Variants in BICDL1 observed in about 807,000 individuals in gnomAD.
The protein encoded by BICDL1 is BICD family like cargo adaptor 1, also known as BICD family-like cargo adapter 1.
A neutral mutation model predicts 76.8 loss-of-function variants in BICDL1; 20 were observed. The observed-to-expected ratio is 0.26, with a 90% CI of 0.18 to 0.38. The LOEUF (loss-of-function observed/expected upper bound fraction) is 0.38. Among genes scored for constraint, BICDL1 ranks in the 10% least tolerant of loss-of-function variants. BICDL1 has a pLI of 1.00. For missense variants in BICDL1, 700 were observed against 798.6 expected, an observed-to-expected ratio of 0.88 and a Z score of 1.49; for synonymous variants, 383 against 337.1, an observed-to-expected ratio of 1.14 and a Z score of -1.49.
intron 2 of BICDL1, among the ~76,000 whole-genome samples, chr12:120,006,650 G>GT (rs1416883376): frequency 6.6e-6 from 1 of 152,138 alleles, no homozygotes; most frequent in Non-Finnish European, 1.5e-5. Context: ...GAGCAAAAGA[G>GT]TATTCCTGGC....
intron 2 of BICDL1, among the ~76,000 whole-genome samples, chr12:120,049,541 C>T (rs1952812974): frequency 6.6e-6 from 1 of 152,158 alleles, no homozygotes; most frequent in Non-Finnish European, 1.5e-5. Context: ...TGGCGCTCTG[C>T]AGTTTCTTTA....
Position 120,074,516 on chromosome 12 carries a change from G to T in BICDL1, c.1382G>T (p.Arg461Met). The T allele has an allele frequency of 7.8e-7, 1 of 1,281,934 alleles. No homozygotes were observed. The highest frequency in any genetic ancestry group is 1.0e-6 in the Non-Finnish European group (1 of 985,084). The allele number at this position is 1,281,934 out of a possible 1,614,324, so 79.4% of individuals were successfully genotyped here. ...RQTSEDSRAL[R>M]ELMEGERGKL... ...ACCAGTGAGGACTCGAGAGCCCTAA[G>T]GGAGCTCATGGAGGGAGAGAGGGGT... The change falls in exon 7 of 10, where the codon AGG becomes ATG. Residue 461 changes from arginine (R) to methionine (M), a missense_variant. This residue lies in a region of BICDL1 where 455 missense variants were observed against 548.7 expected (regional missense o/e 0.83). Transcript: ENST00000548673.
At chr12:120,077,364 C>A (rs1158265343) in intron 7 of BICDL1, among the ~76,000 whole-genome samples, 1 of 152,210 alleles carries the variant, frequency 6.6e-6, no homozygotes, top group Non-Finnish European at 1.5e-5. Context: ...TGGCAAGGAA[C>A]TGCCTCCTCC....
intron 2 of BICDL1, among the ~76,000 whole-genome samples, chr12:120,044,818 T>C (rs1455139736): frequency 6.6e-6 from 1 of 152,156 alleles, no homozygotes; most frequent in African/African-American, 2.4e-5. Context: ...AGCCTTGTAG[T>C]ATAGTTTGAA....
chr12:120,039,063 G>C (rs945576896), intron 2 of BICDL1, among the ~76,000 whole-genome samples: 2 of 151,532 alleles, frequency 1.3e-5, no homozygotes, highest in Non-Finnish European at 2.9e-5. Flanking sequence ...TTGGGAGGCA[G>C]AGGCGAGCGG....
chr12:120,084,814 C>T (rs939697883), intron 8 of BICDL1, among the ~76,000 whole-genome samples: 7 of 151,410 alleles, frequency 4.6e-5, no homozygotes, highest in Non-Finnish European at 8.8e-5. Flanking sequence ...CACTTGAACC[C>T]GGGAGGCAGA....
chr12:120,091,626 G>T (rs1416317276), intron 9 of BICDL1: 2 of 985,012 alleles, frequency 2.0e-6, no homozygotes, highest in Non-Finnish European at 1.2e-6. Context: ...GACCAGGAAT[G>T]AGCTGAGTCT....
At chr12:119,994,723 C>G (rs1487958607) in intron 1 of BICDL1, among the ~76,000 whole-genome samples, 3 of 152,128 alleles carry the variant, frequency 2.0e-5, no homozygotes, top group African/African-American at 7.2e-5. Flanking sequence ...CTCCTGACCT[C>G]GTGATCTGCC....
intron 3 of BICDL1, chr12:120,064,529 C>A: frequency 2.7e-6 from 1 of 365,222 alleles, no homozygotes; most frequent in Non-Finnish European, 4.9e-6. Flanking sequence ...TCAACTCCTA[C>A]TCCTTCCCAG....
At chr12:119,997,886 C>T (rs924207312) in intron 1 of BICDL1, among the ~76,000 whole-genome samples, 12 of 151,972 alleles carry the variant, frequency 7.9e-5, no homozygotes, top group African/African-American at 2.4e-4. Flanking sequence ...GAGGCCGGGC[C>T]GGGGGGATCA....
chr12:120,011,090 G>C (rs1007241802), intron 2 of BICDL1, among the ~76,000 whole-genome samples: 1 of 152,204 alleles, frequency 6.6e-6, no homozygotes, highest in African/African-American at 2.4e-5. Flanking sequence ...GTGGCTCTTA[G>C]TTCAGGCAGT....
In BICDL1 at chr12:119,990,018, G is replaced by A. The variant is rs1355352216; in HGVS notation, c.150G>A (p.Gly50=). Residue 50 remains glycine (G), a synonymous_variant, in exon 1 of 10, where the codon GGG becomes GGA. Coordinates refer to ENST00000548673, the MANE Select transcript of BICDL1 (RefSeq NM_001367886.1). ...AAALIFPGGS[G]ELELALEEEL... ...CCCTCATCTTCCCCGGGGGCTCCGG[G>A]GAGCTAGAACTGGCGTTAGAGGAGG... 14 of 1,498,174 alleles carry A rather than the reference G, an allele frequency of 9.3e-6. No individual in the cohort carries two copies. The East Asian group carries it at 3.3e-4, about 36-fold the overall frequency. 92.8% of individuals were successfully genotyped at this position (1,498,174 alleles called of 1,614,324 possible).
At chr12:120,074,680 T>C in intron 7 of BICDL1, 94 bp downstream of exon 7, 1 of 926,310 alleles carries the variant, frequency 1.1e-6, no homozygotes, top group African/African-American at 1.8e-5. Flanking sequence ...CATTTCTGTG[T>C]GAGAAGTGGC....
chr12:119,990,225 G>A lies in BICDL1; in HGVS notation c.357G>A (p.Ala119=), dbSNP rs573768778. 4 of 1,574,060 alleles carry A rather than the reference G, an allele frequency of 2.5e-6. No homozygotes were observed. The South Asian group carries it at 3.5e-5, about 14-fold the overall frequency. The change falls in exon 1 of 10, where the codon GCG becomes GCA. Residue 119 remains alanine, a synonymous_variant. Transcript: ENST00000548673. ...TGTTGGCGGCCCGGCTGGGTAAGGC[G>A]CTGCTCGAGAGGAACCAGGACATGA... is the stretch of plus-strand genomic sequence containing the variant. ...DLVLAARLGK[A]LLERNQDMSR...
intron 2 of BICDL1, chr12:120,019,355 G>C (rs1449503912): frequency 6.6e-6 from 1 of 151,990 alleles, no homozygotes; most frequent in Non-Finnish European, 1.5e-5. Context: ...TGACTCTACT[G>C]TAATTCATCT....
intron 2 of BICDL1, among the ~76,000 whole-genome samples, chr12:120,052,090 G>T (rs1208757602): frequency 6.6e-6 from 1 of 151,962 alleles, no homozygotes; most frequent in Non-Finnish European, 1.5e-5. Flanking sequence ...ACAGTTGCCC[G>T]CCACCACACC....
chr12:120,090,817 A>G lies in BICDL1; in HGVS notation c.1704+746A>G, dbSNP rs1240790461. On this transcript the variant is annotated intron_variant, in intron 9 of 9. Transcript: ENST00000548673. ...GCAGCCAGAACACTGGCCCCACCGC[A>G]GGGTGCCCGTCCCTGGCTCCTTGGC... is the stretch of plus-strand genomic sequence containing the variant. 4.3e-6 allele frequency: 5 copies of G among 1,161,190 alleles called. No homozygotes were observed. The East Asian group carries it at 1.7e-4, about 40-fold the overall frequency. 71.9% of individuals were successfully genotyped at this position (1,161,190 alleles called of 1,614,324 possible).
intron 2 of BICDL1, among the ~76,000 whole-genome samples, chr12:120,040,066 T>TAA (rs1952606990): frequency 6.6e-6 from 1 of 152,166 alleles, no homozygotes; most frequent in African/African-American, 2.4e-5. Context: ...ATCCAAAATC[T>TAA]AAACTCTGTT....
At chr12:120,076,164 G>A (rs1873529818) in intron 7 of BICDL1, among the ~76,000 whole-genome samples, 1 of 152,172 alleles carries the variant, frequency 6.6e-6, no homozygotes, top group Non-Finnish European at 1.5e-5. Flanking sequence ...GTCTCAAAAA[G>A]TTGTAGCTTG....
Sources: gnomAD v4.1 joint callset for allele counts (sites outside exome capture counted in the v4.1 genomes callset) on GRCh38, gnomAD v4.1.1 for gene constraint, gnomAD v4.1.1 regional missense constraint, MANE v1.5 for transcripts, NCBI Gene and HGNC (gene_info 2026-07-23, HGNC 2026-07-21) for gene names.